The following ZNF469 variants were observed in gnomAD, a reference collection of about 807,000 sequenced individuals.
ZNF469 encodes zinc finger protein 469.
A neutral mutation model predicts 1.0 loss-of-function variants in ZNF469; 1 was observed. That is an observed-to-expected ratio of 1.00 (90% confidence interval 0.35 to 4.73). ZNF469 has a LOEUF of 4.73. Among genes scored for constraint, ZNF469 ranks in the 30% most tolerant of loss-of-function variants. ZNF469 has a pLI of 0.16. For synonymous variants in ZNF469, 2,703 were observed against 2,363.4 expected (o/e 1.14, Z -4.17); for missense variants, 6,100 against 5,356.3 (o/e 1.14, Z -4.33).
At chr16:88,217,996 A>T in the ZNF469 span, among the ~76,000 whole-genome samples, 132 of 99,310 alleles carry the variant, frequency 1.3e-3, no homozygotes, top group African/African-American at 4.7e-3. Flanking sequence ...TTCCAGTTCT[A>T]GATCCCTGAG....
chr16:88,334,862 G>A, the ZNF469 span, among the ~76,000 whole-genome samples: 7 of 151,312 alleles, frequency 4.6e-5, no homozygotes, highest in African/African-American at 1.5e-4. Context: ...AGAGACGGAC[G>A]TGGGAGCCGT....
chr16:88,160,229 C>CA, the ZNF469 span, among the ~76,000 whole-genome samples: 1 of 152,248 alleles, frequency 6.6e-6, no homozygotes, highest in Admixed American at 6.5e-5. Flanking sequence ...GCCAATCTCC[C>CA]TTTGGAGCAA....
chr16:88,383,895 C>T (rs570220550), intron 1 of ZNF469, among the ~76,000 whole-genome samples: 15 of 152,162 alleles, frequency 9.9e-5, no homozygotes, highest in African/African-American at 3.4e-4. Flanking sequence ...GTTGGCTGGA[C>T]GTCTAGACCC....
chr16:88,284,588 G>C, the ZNF469 span, among the ~76,000 whole-genome samples: 1 of 146,166 alleles, frequency 6.8e-6, no homozygotes, highest in Non-Finnish European at 1.5e-5. Flanking sequence ...TCCAGCCTGG[G>C]CGACAGAGGG....
At chr16:88,206,565 A>C in the ZNF469 span, among the ~76,000 whole-genome samples, 39,735 of 151,686 alleles carry the variant, frequency 0.26, 5,858 homozygotes, top group Middle Eastern at 0.38. Context: ...TTATGACAAA[A>C]AAACAAACAA....
At chr16:88,245,208 A>G in the ZNF469 span, among the ~76,000 whole-genome samples, 55 of 152,336 alleles carry the variant, frequency 3.6e-4, no homozygotes, top group East Asian at 9.6e-3. Flanking sequence ...AGGTACAGTC[A>G]TGTGAGCCTG....
chr16:88,424,458 C>T lies in ZNF469; in HGVS notation c.-191-349C>T, dbSNP rs1905614280. Among the ~76,000 whole-genome samples the T allele has an allele frequency of 6.6e-6, 1 of 152,118 alleles. No homozygotes were observed. Among genetic ancestry groups the T allele is most frequent in the African/African-American group, 2.4e-5 (1 of 41,388 alleles). The stretch of plus-strand genomic sequence containing the variant: ...ATCCTGGCAGGGATGGGAGGGGCAG[C>T]GTTCTCACTGCAACTCGTAATAATC... On this transcript the variant is annotated intron_variant, in intron 1 of 2. Coordinates refer to ENST00000565624, the MANE Select transcript of ZNF469 (RefSeq NM_001367624.2). The surrounding 1 kb of genome is among the most constrained non-coding windows in gnomAD (Gnocchi z 4.3).
At position 88,435,423 on chromosome 16, in the gene ZNF469, C is replaced by G. The variant is rs1319188011; in HGVS notation, c.7953C>G (p.Val2651=). ...RRLREESILP[V]SADVISDGRG... Reference sequence around the variant, plus strand: ...TCCGGGAGGAGAGCATTCTTCCAGTCTCTGCTGATGTGATTTCAGATGGGC... The same window carrying G: ...TCCGGGAGGAGAGCATTCTTCCAGTGTCTGCTGATGTGATTTCAGATGGGC... The change falls in exon 3 of 3, where the codon GTC becomes GTG. Residue 2651 remains valine (V), a synonymous_variant. Coordinates refer to ENST00000565624, the MANE Select transcript of ZNF469 (RefSeq NM_001367624.2). 1.5e-5 allele frequency: 24 copies of G among 1,550,156 alleles called. No homozygotes were observed. Among genetic ancestry groups the G allele is most frequent in the Non-Finnish European group, 2.1e-5 (24 of 1,146,988 alleles).
chr16:88,363,734 A>G, the ZNF469 span, among the ~76,000 whole-genome samples: 3 of 152,230 alleles, frequency 2.0e-5, no homozygotes, highest in African/African-American at 4.8e-5. Context: ...CAAAAGCTGT[A>G]AAACCCAGAA....
chr16:88,330,747 T>C, the ZNF469 span, among the ~76,000 whole-genome samples: 1 of 152,312 alleles, frequency 6.6e-6, no homozygotes, highest in South Asian at 2.1e-4. Flanking sequence ...CTGCTGAGGC[T>C]GCACACTGAG....
At chr16:88,315,383 G>A in the ZNF469 span, among the ~76,000 whole-genome samples, 1 of 152,244 alleles carries the variant, frequency 6.6e-6, no homozygotes, top group Non-Finnish European at 1.5e-5. Flanking sequence ...AGGAAGTGGG[G>A]GCCGTCATCT....
At chr16:88,205,915 A>G in the ZNF469 span, among the ~76,000 whole-genome samples, 3 of 152,076 alleles carry the variant, frequency 2.0e-5, no homozygotes, top group Admixed American at 6.5e-5. The surrounding 1 kb of genome is among the most constrained non-coding windows in gnomAD (Gnocchi z 4.2). Flanking sequence ...ATGTTCCGAG[A>G]GGGTGTGGAG....
chr16:88,328,161 G>A, the ZNF469 span, among the ~76,000 whole-genome samples: 8 of 152,358 alleles, frequency 5.3e-5, no homozygotes, highest in African/African-American at 1.2e-4. Flanking sequence ...TGTGCTTCTC[G>A]CCCGGGGCTG....
chr16:88,155,967 C>T, the ZNF469 span, among the ~76,000 whole-genome samples: 1 of 152,182 alleles, frequency 6.6e-6, no homozygotes. Context: ...GTGCCTCTCG[C>T]ATGATTGTGA....
chr16:88,125,964 G>A, the ZNF469 span, among the ~76,000 whole-genome samples: 1 of 151,768 alleles, frequency 6.6e-6, no homozygotes, highest in African/African-American at 2.4e-5. Flanking sequence ...CAATGCGGGT[G>A]GATTGCCTGA....
the ZNF469 span, among the ~76,000 whole-genome samples, chr16:88,280,184 C>T: frequency 4.8e-3 from 734 of 151,892 alleles, 8 homozygotes; most frequent in Non-Finnish European, 7.9e-3. Flanking sequence ...ACCACGCTGA[C>T]GCTTGGTCAG....
At chr16:88,197,519 C>T in the ZNF469 span, among the ~76,000 whole-genome samples, 1,473 of 152,332 alleles carry the variant, frequency 9.7e-3, 39 homozygotes, top group Admixed American at 0.035. Flanking sequence ...TGGGATGGCA[C>T]GATCAGTTTG....
At chr16:88,395,593 C>T (rs914625979) in intron 1 of ZNF469, among the ~76,000 whole-genome samples, 15 of 152,038 alleles carry the variant, frequency 9.9e-5, no homozygotes, top group African/African-American at 3.6e-4. Flanking sequence ...TGCCCAGGTT[C>T]GTTGGTGTCA....
chr16:88,345,541 T>C, the ZNF469 span, among the ~76,000 whole-genome samples: 1 of 152,038 alleles, frequency 6.6e-6, no homozygotes, highest in African/African-American at 2.4e-5. Flanking sequence ...TGTGGGCACG[T>C]CACTGCCCTC....
Sources: allele counts gnomAD v4.1 joint callset (sites outside exome capture counted in the v4.1 genomes callset), GRCh38; gene constraint gnomAD v4.1.1; non-coding constraint Gnocchi (gnomAD v3.1); transcripts MANE v1.5; gene names NCBI Gene and HGNC (gene_info 2026-07-23, HGNC 2026-07-21).